EPAS1: variants seen among roughly 807,000 people sequenced by gnomAD.
EPAS1 encodes the protein endothelial PAS domain-containing protein 1.
In EPAS1, 23 loss-of-function variants were observed where a neutral mutation model predicts 87.9. The ratio of observed to expected loss-of-function variants is 0.26; its 90% CI spans 0.19 to 0.37. The LOEUF (loss-of-function observed/expected upper bound fraction) is 0.37, where lower values mean the gene tolerates loss of function less well. Among genes scored for constraint, EPAS1 ranks in the 10% least tolerant of loss-of-function variants. EPAS1 has a pLI of 1.00. For synonymous variants in EPAS1, 508 were observed against 444.3 expected, an observed-to-expected ratio of 1.14 and a Z score of -1.80; for missense variants, 1,138 against 1,120.7, an observed-to-expected ratio of 1.02 and a Z score of -0.22.
At chr2:46,319,369 T>A (rs914504396) in intron 1 of EPAS1, among the ~76,000 whole-genome samples, 1 of 152,252 alleles carries the variant, frequency 6.6e-6, no homozygotes, top group East Asian at 1.9e-4. Context: ...GCTCCATTTT[T>A]AATTTTAATT....
In EPAS1 at chr2:46,298,210, G is replaced by A. The variant is rs188964469; in HGVS notation, c.26+273G>A. Among the ~76,000 whole-genome samples, 618 of 152,308 alleles carry A rather than the reference G, an allele frequency of 4.1e-3. 13 individuals carry two copies. The highest frequency in any genetic ancestry group is 5.2e-3 in the Non-Finnish European group (355 of 68,028). ...GAGGGAGATGGCCTGGAGGTCGGAG[G>A]TGCTTCCGCGGTGCCTTTGAAAATC... On this transcript the variant is annotated intron_variant, in intron 1 of 15. Transcript: ENST00000263734.
intron 1 of EPAS1, among the ~76,000 whole-genome samples, chr2:46,324,708 G>C (rs1558587602): frequency 1.3e-5 from 2 of 152,214 alleles, no homozygotes; most frequent in Non-Finnish European, 1.5e-5. Context: ...AGTTTTCAAG[G>C]CACATTATTA....
At chr2:46,381,183 T>A in intron 12 of EPAS1, 6 of 355,958 alleles carry the variant, frequency 1.7e-5, no homozygotes, top group South Asian at 1.5e-4. Context: ...GCATGCTCAT[T>A]TCACCAGCTG....
At chr2:46,372,360 A>G (rs546078301) in intron 7 of EPAS1, among the ~76,000 whole-genome samples, 1 of 152,332 alleles carries the variant, frequency 6.6e-6, no homozygotes, top group East Asian at 1.9e-4. Flanking sequence ...CTACAGACTG[A>G]CACACATGCT....
At chr2:46,379,218 A>G (rs141578267) in intron 11 of EPAS1, among the ~76,000 whole-genome samples, 1 of 152,382 alleles carries the variant, frequency 6.6e-6, no homozygotes, top group East Asian at 1.9e-4. Context: ...TTTTTCATTT[A>G]CATAAAACTT....
intron 2 of EPAS1, among the ~76,000 whole-genome samples, chr2:46,352,156 A>C (rs1684177144): frequency 6.6e-6 from 1 of 152,152 alleles, no homozygotes; most frequent in African/African-American, 2.4e-5. Flanking sequence ...CCTCGGAAGC[A>C]AGTAACTGAG....
At chr2:46,358,628 C>G (rs115213612) in intron 4 of EPAS1, among the ~76,000 whole-genome samples, 1 of 152,116 alleles carries the variant, frequency 6.6e-6, no homozygotes, top group South Asian at 2.1e-4. Context: ...TAGGCAAAGG[C>G]GACAACCTTT....
At chr2:46,374,357 C>T (rs11675441) in intron 7 of EPAS1, among the ~76,000 whole-genome samples, 54,325 of 151,896 alleles carry the variant, frequency 0.36, 11,255 homozygotes, top group Non-Finnish European at 0.49. Flanking sequence ...CTGTGACAGG[C>T]CATGGGCATA....
chr2:46,361,214 T>C (rs1684380496), intron 6 of EPAS1, 124 bp downstream of exon 6: 1 of 1,070,278 alleles, frequency 9.3e-7, no homozygotes, highest in Admixed American at 2.0e-5. Flanking sequence ...TGCATGTTCG[T>C]GGACCTGTGC....
intron 15 of EPAS1, among the ~76,000 whole-genome samples, chr2:46,384,008 C>T (rs1034229084): frequency 4.6e-5 from 7 of 152,168 alleles, no homozygotes; most frequent in African/African-American, 7.2e-5. Context: ...GCGAGTGTCC[C>T]CCCTGCCACT....
chr2:46,339,135 A>C (rs1337728770), intron 1 of EPAS1, among the ~76,000 whole-genome samples: 4 of 152,258 alleles, frequency 2.6e-5, no homozygotes, highest in African/African-American at 9.6e-5. Flanking sequence ...ATTGCTGGCT[A>C]TTATGAATAT....
At position 46,382,503 on chromosome 2, in the gene EPAS1, T is replaced by C. The variant is rs376111154; in HGVS notation, c.2366T>C (p.Ile789Thr). The C allele has an allele frequency of 5.0e-6, 8 of 1,614,004 alleles. No homozygotes were observed. In the African/African-American group the frequency reaches 8.0e-5, roughly 16 times the overall value. The stretch of plus-strand genomic sequence containing the variant: ...CCGCTGCCACAGCCTCCATCTGCCA[T>C]CAGTCCCGGGGAGAACAGCAAGAGC... Reference protein sequence around the residue: ...HLPLPQPPSAISPGENSKSRF... With the variant: ...HLPLPQPPSATSPGENSKSRF... The change falls in exon 15 of 16, where the codon ATC (isoleucine) becomes ACC (threonine). Residue 789 changes from isoleucine to threonine, a missense_variant. By Grantham distance (89) the Ile-to-Thr change is moderately conservative. Coordinates refer to ENST00000263734, the MANE Select transcript of EPAS1 (RefSeq NM_001430.5).
chr2:46,337,606 A>G lies in EPAS1; in HGVS notation c.27-9267A>G, dbSNP rs561825444. Among the ~76,000 whole-genome samples, 4 of 152,328 alleles carry G rather than the reference A, an allele frequency of 2.6e-5. No individual in the cohort carries two copies. In the South Asian group the frequency reaches 8.3e-4, roughly 32 times the overall value. ...CTTAGCTGAAGGCAGTGTTGTAGGA[A>G]CAGGATGGCAGCACAGGCAGAAGGG... On this transcript the variant is annotated intron_variant, in intron 1 of 15. Coordinates refer to ENST00000263734, the MANE Select transcript of EPAS1 (RefSeq NM_001430.5).
intron 1 of EPAS1, among the ~76,000 whole-genome samples, chr2:46,343,042 C>G (rs1291273445): frequency 2.0e-5 from 3 of 151,852 alleles, no homozygotes; most frequent in African/African-American, 7.3e-5. Flanking sequence ...CCTTTTTCTC[C>G]ACCTGCGGCA....
At chr2:46,353,729 A>G (rs1199109424) in intron 2 of EPAS1, among the ~76,000 whole-genome samples, 1 of 152,222 alleles carries the variant, frequency 6.6e-6, no homozygotes, top group African/African-American at 2.4e-5. Context: ...GAACAGGTGT[A>G]TCAGCAGAAA....
intron 15 of EPAS1, among the ~76,000 whole-genome samples, chr2:46,382,889 GACTGAAC>G (rs561513118): frequency 6.2e-4 from 95 of 152,334 alleles, no homozygotes; most frequent in African/African-American, 2.2e-3. Context: ...GCCCAAAGAG[GACTGAAC>G]ACTGAACACT....
At chr2:46,338,491 C>G (rs1038274249) in intron 1 of EPAS1, among the ~76,000 whole-genome samples, 13 of 152,150 alleles carry the variant, frequency 8.5e-5, no homozygotes, top group African/African-American at 4.8e-5. Context: ...CTGGCTTTCT[C>G]CCTGCTTTTT....
intron 1 of EPAS1, among the ~76,000 whole-genome samples, chr2:46,326,373 C>T (rs755268705): frequency 2.6e-5 from 4 of 152,078 alleles, no homozygotes; most frequent in Non-Finnish European, 4.4e-5. Context: ...TGAAAGAAAA[C>T]GGGGGTAAAA....
intron 1 of EPAS1, among the ~76,000 whole-genome samples, chr2:46,344,680 G>C (rs948238118): frequency 2.6e-5 from 4 of 152,314 alleles, no homozygotes; most frequent in South Asian, 4.1e-4. Flanking sequence ...GGAAAGGGGG[G>C]TGCAGGGGTA....
Sources: allele counts gnomAD v4.1 joint callset (sites outside exome capture counted in the v4.1 genomes callset), GRCh38; gene constraint gnomAD v4.1.1; transcripts MANE v1.5; gene names NCBI Gene and HGNC (gene_info 2026-07-23, HGNC 2026-07-21).